Variants in RAB27B observed in about 807,000 individuals in gnomAD.
RAB27B encodes the protein RAB27B, member RAS oncogene family.
Under a neutral mutation model 24.6 loss-of-function variants are expected in RAB27B, and 15 were observed. That is an observed-to-expected ratio of 0.61 (90% CI 0.41 to 0.94). The LOEUF is 0.94. RAB27B is among the 40% of genes least tolerant of loss of function. RAB27B has a pLI of 0.00. For synonymous variants in RAB27B, 105 were observed against 92.5 expected (o/e 1.14, Z -0.78); for missense variants, 261 against 266.8 (o/e 0.98, Z 0.15).
intron 2 of RAB27B, among the ~76,000 whole-genome samples, chr18:54,778,393 C>T (rs1908783162): frequency 6.6e-6 from 1 of 152,204 alleles, no homozygotes; most frequent in Non-Finnish European, 1.5e-5. Flanking sequence ...TCACAAAGTT[C>T]TGCATTCAAA....
intron 1 of RAB27B, among the ~76,000 whole-genome samples, chr18:54,845,145 G>A (rs919433749): frequency 6.6e-6 from 1 of 152,094 alleles, no homozygotes; most frequent in African/African-American, 2.4e-5. Flanking sequence ...AGTGGCTCAT[G>A]CCTGTAATCC....
At chr18:54,720,164 T>C (rs1909313042) in intron 2 of RAB27B, among the ~76,000 whole-genome samples, 1 of 152,046 alleles carries the variant, frequency 6.6e-6, no homozygotes, top group African/African-American at 2.4e-5. Context: ...AGCAAACAAA[T>C]GGGACTTAAG....
chr18:54,838,704 G>A (rs780273831), intron 1 of RAB27B, among the ~76,000 whole-genome samples: 25 of 152,128 alleles, frequency 1.6e-4, no homozygotes, highest in Non-Finnish European at 3.4e-4. Flanking sequence ...GGAGATCATA[G>A]ATGGAGAACA....
In RAB27B at chr18:54,891,558, C is replaced by G. The variant is rs1913371463; in HGVS notation, c.*2145C>G. The G allele has an allele frequency of 6.6e-6, 1 of 152,074 alleles. No individual in the cohort carries two copies. Among genetic ancestry groups the G allele is most frequent in the South Asian group, 2.1e-4 (1 of 4,832 alleles). The allele number at this position is 152,074 out of a possible 1,614,324, so 9.4% of individuals were successfully genotyped here. On this transcript the variant is annotated 3_prime_UTR_variant, in exon 6 of 6. Transcript: ENST00000262094. The stretch of plus-strand genomic sequence containing the variant: ...TGGTGAACTTTTGGGGTCATTATAT[C>G]AATTTTTTCTTTGGATTCAAATTGT...
chr18:54,879,742 T>A (rs770191747), intron 3 of RAB27B: 88 of 282,018 alleles, frequency 3.1e-4, no homozygotes, highest in Admixed American at 1.3e-3. Flanking sequence ...TCTCCAGAAT[T>A]TAATTGAATG....
chr18:54,747,711 G>T (rs919007919), intron 2 of RAB27B, among the ~76,000 whole-genome samples: 1 of 152,140 alleles, frequency 6.6e-6, no homozygotes, highest in Non-Finnish European at 1.5e-5. Context: ...TCCAAAATAT[G>T]CGTGGGTTTC....
At chr18:54,815,304 C>A (rs1910088338) in intron 2 of RAB27B, among the ~76,000 whole-genome samples, 1 of 152,162 alleles carries the variant, frequency 6.6e-6, no homozygotes, top group Non-Finnish European at 1.5e-5. Context: ...TGCAGAGGAT[C>A]CTCCCCTGTT....
chr18:54,777,967 G>A (rs898444518), intron 2 of RAB27B, among the ~76,000 whole-genome samples: 3 of 151,636 alleles, frequency 2.0e-5, no homozygotes, highest in Non-Finnish European at 2.9e-5. Context: ...ATATTGTCAG[G>A]CAATGAAAAC....
upstream of RAB27B, among the ~76,000 whole-genome samples, chr18:54,826,149 A>G (rs1910464101): frequency 6.6e-6 from 1 of 152,236 alleles, no homozygotes; most frequent in Non-Finnish European, 1.5e-5. Flanking sequence ...AATACATGTG[A>G]TAATCTTGCC....
chr18:54,856,170 T>C, intron 1 of RAB27B, among the ~76,000 whole-genome samples: 1 of 152,206 alleles, frequency 6.6e-6, no homozygotes, highest in Non-Finnish European at 1.5e-5. Context: ...AGATTCAGGG[T>C]TCTGCAAGAT....
intron 1 of RAB27B, among the ~76,000 whole-genome samples, chr18:54,864,886 T>A (rs1912149263): frequency 6.6e-6 from 1 of 152,192 alleles, no homozygotes; most frequent in African/African-American, 2.4e-5. Flanking sequence ...CTATTCTGTG[T>A]CCCTTTCATT....
rs1285351482 is a variant in RAB27B, at chr18:54,788,994, C to T, written c.-20+70853C>T. Among the ~76,000 whole-genome samples the T allele has an allele frequency of 3.3e-5, 5 of 152,046 alleles. No individual in the cohort carries two copies. In the South Asian group the frequency reaches 6.2e-4, roughly 19 times the overall value. On this transcript the variant is annotated intron_variant, in intron 2 of 4. Transcript: ENST00000586570. The stretch of plus-strand genomic sequence containing the variant: ...CTGCAAACTATGAAATTCACAAATT[C>T]ACGGTCCTAAGTAACTGTGACATTT...
intron 2 of RAB27B, among the ~76,000 whole-genome samples, chr18:54,780,460 C>T (rs1908877962): frequency 6.7e-6 from 1 of 149,188 alleles, no homozygotes; most frequent in Admixed American, 6.7e-5. Context: ...CTGACAGCTT[C>T]CCCCTCACTG....
rs541112264 is a variant in RAB27B at position 54,809,240 on chromosome 18, G to A, written c.-19-68327G>A. On this transcript the variant is annotated intron_variant, in intron 2 of 4. Transcript: ENST00000586570. ...CATGACTTGCTCTGAACAGTGGTAC[G>A]TGACTACAAATAGCATCAGTTTCAA... 3.9e-5 allele frequency among the ~76,000 whole-genome samples: 6 copies of A among 152,286 alleles called. No individual in the cohort carries two copies. The East Asian group carries it at 9.7e-4, about 24-fold the overall frequency.
At chr18:54,782,459 C>G (rs141577154) in intron 2 of RAB27B, among the ~76,000 whole-genome samples, 1 of 152,292 alleles carries the variant, frequency 6.6e-6, no homozygotes, top group Admixed American at 6.5e-5. Flanking sequence ...GCAGCAATAA[C>G]TTAGTGCATT....
At chr18:54,850,546 C>T (rs2145217873) in intron 1 of RAB27B, among the ~76,000 whole-genome samples, 1 of 150,306 alleles carries the variant, frequency 6.7e-6, no homozygotes, top group African/African-American at 2.4e-5. Flanking sequence ...TTTGTATGTT[C>T]AGTAGAGATG....
intron 1 of RAB27B, among the ~76,000 whole-genome samples, chr18:54,843,966 G>A (rs910999894): frequency 6.6e-6 from 1 of 152,122 alleles, no homozygotes; most frequent in African/African-American, 2.4e-5. Flanking sequence ...GGAAGGATAA[G>A]AACCACAGAA....
intron 1 of RAB27B, among the ~76,000 whole-genome samples, chr18:54,867,791 G>T (rs1370387092): frequency 6.6e-6 from 1 of 152,112 alleles, no homozygotes; most frequent in Non-Finnish European, 1.5e-5. Context: ...CAGAACCAGG[G>T]GCAGCAAAGA....
chr18:54,754,128 G>A (rs56349447), intron 2 of RAB27B, among the ~76,000 whole-genome samples: 1 of 151,758 alleles, frequency 6.6e-6, no homozygotes, highest in African/African-American at 2.4e-5. Context: ...GGGAGAGACC[G>A]GGTGGGAGGT....
Sources: gnomAD v4.1 joint callset for allele counts (sites outside exome capture counted in the v4.1 genomes callset) on GRCh38, gnomAD v4.1.1 for gene constraint, MANE v1.5 for transcripts, NCBI Gene and HGNC (gene_info 2026-07-23, HGNC 2026-07-21) for gene names.